PREX1: variants seen among roughly 807,000 people sequenced by gnomAD.
PREX1 encodes phosphatidylinositol-3,4,5-trisphosphate dependent Rac exchange factor 1, also known as phosphatidylinositol 3,4,5-trisphosphate-dependent Rac exchanger 1 protein.
A neutral mutation model predicts 198.3 loss-of-function variants in PREX1; 41 were observed. That is an observed-to-expected ratio of 0.21 (90% confidence interval 0.16 to 0.27). The LOEUF (loss-of-function observed/expected upper bound fraction) is 0.27, where lower values mean the gene tolerates loss of function less well. Among genes scored for constraint, PREX1 ranks in the 10% least tolerant of loss-of-function variants. The probability of loss-of-function intolerance (pLI) is 1.00; values close to 1 mark genes in which losing one functional copy is unlikely to be tolerated. For missense variants in PREX1, 1,620 were observed against 2,200.7 expected, an observed-to-expected ratio of 0.74 and a Z score of 5.28; for synonymous variants, 843 against 887.2, an observed-to-expected ratio of 0.95 and a Z score of 0.89.
chr20:48,657,805 C>T (rs571545269), intron 17 of PREX1, among the ~76,000 whole-genome samples: 10 of 152,328 alleles, frequency 6.6e-5, no homozygotes, highest in African/African-American at 2.2e-4. Context: ...TTGCATCAGA[C>T]AGCAATGAGC....
chr20:48,814,131 C>T (rs916082941), intron 1 of PREX1, among the ~76,000 whole-genome samples: 7 of 152,222 alleles, frequency 4.6e-5, no homozygotes, highest in Non-Finnish European at 7.3e-5. Flanking sequence ...TTCATGCTCC[C>T]AAGACACAGT....
chr20:48,853,687 A>G, the PREX1 span, among the ~76,000 whole-genome samples: 2 of 152,120 alleles, frequency 1.3e-5, no homozygotes, highest in African/African-American at 4.8e-5. Flanking sequence ...CACACATATG[A>G]ACACACACAC....
At chr20:48,763,507 G>A (rs2090193911) in intron 1 of PREX1, among the ~76,000 whole-genome samples, 1 of 152,192 alleles carries the variant, frequency 6.6e-6, no homozygotes, top group African/African-American at 2.4e-5. Flanking sequence ...CCTCTCTGTG[G>A]GGCTGACACT....
At chr20:48,823,681 G>A (rs1390451501) in intron 1 of PREX1, among the ~76,000 whole-genome samples, 1 of 152,168 alleles carries the variant, frequency 6.6e-6, no homozygotes, top group African/African-American at 2.4e-5. Flanking sequence ...AGTCACAGAG[G>A]GCAAGTAACA....
chr20:48,678,629 C>G (rs1317058079), intron 13 of PREX1, among the ~76,000 whole-genome samples: 2 of 152,188 alleles, frequency 1.3e-5, no homozygotes, highest in Admixed American at 6.5e-5. Flanking sequence ...GCAGTTCCCC[C>G]ATACTGTTCT....
intron 2 of PREX1, among the ~76,000 whole-genome samples, chr20:48,746,613 G>C (rs971705879): frequency 6.6e-6 from 1 of 152,102 alleles, no homozygotes; most frequent in African/African-American, 2.4e-5. Flanking sequence ...ACTGACTGAG[G>C]GGGGCCCAGA....
chr20:48,649,257 C>T, intron 25 of PREX1, 43 bp downstream of exon 25: 1 of 1,589,124 alleles, frequency 6.3e-7, no homozygotes, highest in Non-Finnish European at 8.6e-7. Flanking sequence ...GGATTGAGAA[C>T]ACCTGCCCCT....
intron 1 of PREX1, among the ~76,000 whole-genome samples, chr20:48,773,837 A>T: frequency 6.6e-6 from 1 of 152,172 alleles, no homozygotes; most frequent in East Asian, 1.9e-4. Flanking sequence ...CTGAGTTCTT[A>T]AGGGGCCATC....
intron 1 of PREX1, among the ~76,000 whole-genome samples, chr20:48,785,885 G>C (rs945533698): frequency 5.3e-5 from 8 of 152,222 alleles, no homozygotes; most frequent in Non-Finnish European, 8.8e-5. Flanking sequence ...CAGGAAGACA[G>C]AGCTTACCTC....
At chr20:48,870,979 C>A in the PREX1 span, among the ~76,000 whole-genome samples, 1 of 31,072 alleles carries the variant, frequency 3.2e-5, no homozygotes, top group Admixed American at 3.6e-4. Context: ...AAAAAAAAAA[C>A]CATATTTACT....
intron 1 of PREX1, among the ~76,000 whole-genome samples, chr20:48,759,076 CAGTATGTAAG>C (rs1294394100): frequency 1.7e-4 from 26 of 152,222 alleles, no homozygotes; most frequent in African/African-American, 6.0e-4. Flanking sequence ...CCTAAGCAAG[CAGTATGTAAG>C]AGTGGATGAG....
intron 5 of PREX1, among the ~76,000 whole-genome samples, chr20:48,714,973 T>C (rs2089955223): frequency 6.6e-6 from 1 of 151,668 alleles, no homozygotes; most frequent in Non-Finnish European, 1.5e-5. Context: ...CTAACAAAGG[T>C]CTAACATGCG....
At chr20:48,870,072 A>G in the PREX1 span, among the ~76,000 whole-genome samples, 1 of 152,190 alleles carries the variant, frequency 6.6e-6, no homozygotes, top group Non-Finnish European at 1.5e-5. Flanking sequence ...TATTTTTCAC[A>G]TATGCAAATG....
At chr20:48,887,774 G>A in the PREX1 span, among the ~76,000 whole-genome samples, 1 of 152,010 alleles carries the variant, frequency 6.6e-6, no homozygotes. Flanking sequence ...GCGAAACCCC[G>A]TCTCTACTAA....
chr20:48,699,781 A>G (rs770317990), intron 7 of PREX1, among the ~76,000 whole-genome samples: 4 of 152,158 alleles, frequency 2.6e-5, no homozygotes, highest in African/African-American at 9.7e-5. Flanking sequence ...TCTACCATTC[A>G]TCTAGACACA....
At chr20:48,648,212 G>A (rs139688137) in intron 25 of PREX1, among the ~76,000 whole-genome samples, 1 of 152,176 alleles carries the variant, frequency 6.6e-6, no homozygotes, top group South Asian at 2.1e-4. Context: ...CAGCCCACTG[G>A]AGTATTTAAA....
chr20:48,801,040 C>T (rs181099106), intron 1 of PREX1, among the ~76,000 whole-genome samples: 2 of 152,276 alleles, frequency 1.3e-5, no homozygotes, highest in Non-Finnish European at 2.9e-5. Flanking sequence ...TTGGAGAGTT[C>T]CTGCCTATCA....
At chr20:48,799,154 T>C (rs2090375223) in intron 1 of PREX1, among the ~76,000 whole-genome samples, 1 of 152,198 alleles carries the variant, frequency 6.6e-6, no homozygotes, top group Non-Finnish European at 1.5e-5. Context: ...AGTGCTGAAA[T>C]TACAGGCATG....
At chr20:48,811,596 A>G (rs2090435807) in intron 1 of PREX1, among the ~76,000 whole-genome samples, 1 of 151,000 alleles carries the variant, frequency 6.6e-6, no homozygotes, top group Non-Finnish European at 1.5e-5. Flanking sequence ...GTGTGCATGC[A>G]CTCTACTGAC....
Sources: gnomAD v4.1 joint callset for allele counts (sites outside exome capture counted in the v4.1 genomes callset) on GRCh38, gnomAD v4.1.1 for gene constraint, MANE v1.5 for transcripts, NCBI Gene and HGNC (gene_info 2026-07-23, HGNC 2026-07-21) for gene names.